TFAP2B: variants seen among roughly 807,000 people sequenced by gnomAD.
TFAP2B encodes the protein transcription factor AP-2-beta.
A neutral mutation model predicts 44.3 loss-of-function variants in TFAP2B; 9 were observed. That is an observed-to-expected ratio of 0.20 (90% CI 0.12 to 0.35). TFAP2B has a LOEUF of 0.35. TFAP2B is among the 10% of genes least tolerant of loss of function. The pLI is 1.00. For synonymous variants in TFAP2B, 270 were observed against 263.8 expected (o/e 1.02, Z -0.23); for missense variants, 509 against 600.0 (o/e 0.85, Z 1.59).
At chr6:50,840,030 C>T in intron 5 of TFAP2B, 126 bp from the exon 6 acceptor site, 1 of 1,280,306 alleles carries the variant, frequency 7.8e-7, no homozygotes, top group Non-Finnish European at 1.1e-6. Context: ...CATCTCTCAC[C>T]TTTGCTTTTG....
At position 50,846,396 on chromosome 6, in the gene TFAP2B, G is replaced by T. The variant is rs778714041; in HGVS notation, c.*3004G>T. 1 of 152,644 alleles carries T rather than the reference G, an allele frequency of 6.6e-6. No homozygotes were observed. The highest frequency in any genetic ancestry group is 1.5e-5 in the Non-Finnish European group (1 of 68,054). The allele number at this position is 152,644 out of a possible 1,614,324, so 9.5% of individuals were successfully genotyped here. On this transcript the variant is annotated 3_prime_UTR_variant, in exon 7 of 7. Transcript: ENST00000393655. ...ATTAACGCAATAGTTTGCCTTTTAA[G>T]TCAAGGGAGACGTTTAAGGCAAGCC... is the stretch of plus-strand genomic sequence containing the variant.
Position 50,847,194 on chromosome 6 carries a change from A to G in TFAP2B, c.*3802A>G, listed in dbSNP as rs1416200508. 6.6e-6 allele frequency: 1 copy of G among 152,622 alleles called. No homozygotes were observed. The highest frequency in any genetic ancestry group is 1.5e-5 in the Non-Finnish European group (1 of 68,040). The allele number at this position is 152,622 out of a possible 1,614,324, so 9.5% of individuals were successfully genotyped here. On this transcript the variant is annotated 3_prime_UTR_variant, in exon 7 of 7. Coordinates refer to ENST00000393655, the MANE Select transcript of TFAP2B (RefSeq NM_003221.4). ...TATGTGAAATTACTGGCTTAAAAAA[A>G]AAAGTATCAATTTTTTTTTAACGGA...
intron 4 of TFAP2B, 26 bp downstream of exon 4, chr6:50,836,306 C>T (rs779438698): frequency 3.8e-6 from 6 of 1,589,064 alleles, no homozygotes; most frequent in Non-Finnish European, 5.2e-6. Context: ...AAAACAAAAA[C>T]AAAAACAAAA....
chr6:50,840,259 T>G lies in TFAP2B; in HGVS notation c.1044T>G (p.Ser348Arg), dbSNP rs767225041. Residue 348 changes from serine (S) to arginine (R), a missense_variant, in exon 6 of 7, where the codon AGT becomes AGG. Transcript: ENST00000393655. ...EYLNRQHTDP[S>R]DLHSRKNMLL... The stretch of plus-strand genomic sequence containing the variant: ...TGAACCGGCAGCACACAGACCCGAG[T>G]GACCTGCACTCCCGAAAGAATATGC... The G allele has an allele frequency of 9.3e-6, 15 of 1,613,932 alleles. No individual in the cohort carries two copies. In the South Asian group the frequency reaches 1.4e-4, roughly 15 times the overall value.
At chr6:50,819,859 C>T (rs1341702035) in intron 1 of TFAP2B, among the ~76,000 whole-genome samples, 2 of 144,762 alleles carry the variant, frequency 1.4e-5, no homozygotes, top group African/African-American at 5.0e-5. Flanking sequence ...GTGGGAGAGG[C>T]GGGCGAGGTG....
chr6:50,840,311 A>G lies in TFAP2B; in HGVS notation c.1082+14A>G. 3 of 1,612,618 alleles carry G rather than the reference A, an allele frequency of 1.9e-6. No individual in the cohort carries two copies. The highest frequency in any genetic ancestry group is 2.5e-6 in the Non-Finnish European group (3 of 1,179,976). ...GTTGGCCACCAAGTGAGTTTATTAG[A>G]CTCTGGGCCCTCATCTCACTCCCAG... On this transcript the variant is annotated intron_variant, in intron 6 of 6. Coordinates refer to ENST00000393655, the MANE Select transcript of TFAP2B (RefSeq NM_003221.4).
chr6:50,832,939 C>A (rs1212689151), intron 3 of TFAP2B, among the ~76,000 whole-genome samples: 1 of 151,896 alleles, frequency 6.6e-6, no homozygotes, highest in Non-Finnish European at 1.5e-5. Flanking sequence ...CAGCATAATG[C>A]AGCAAAAAAG....
At chr6:50,822,294 G>C (rs1017285744) in intron 1 of TFAP2B, 4 of 717,786 alleles carry the variant, frequency 5.6e-6, no homozygotes, top group Non-Finnish European at 8.5e-6. Flanking sequence ...CCTTTGGCTT[G>C]GTAATTTAGC....
At chr6:50,825,214 T>A (rs920980284) in intron 2 of TFAP2B, among the ~76,000 whole-genome samples, 1 of 152,206 alleles carries the variant, frequency 6.6e-6, no homozygotes, top group Non-Finnish European at 1.5e-5. Flanking sequence ...GATGGTTTTG[T>A]TGATTTAACT....
Position 50,843,540 on chromosome 6 carries a change from CTAAA to C in TFAP2B, c.*152_*155del, listed in dbSNP as rs749006300. ...ACAATCAAAATTTTAAAAAAAAAAGCTAAATAACTTAAAAAAAAACTGAGGCGTA... is the reference window on the plus strand; with the variant it reads ...ACAATCAAAATTTTAAAAAAAAAAGCTAACTTAAAAAAAAACTGAGGCGTA... On this transcript the variant is annotated 3_prime_UTR_variant, in exon 7 of 7. Coordinates refer to ENST00000393655, the MANE Select transcript of TFAP2B (RefSeq NM_003221.4). 1.5e-4 allele frequency: 133 copies of C among 868,012 alleles called. No individual in the cohort carries two copies. Among genetic ancestry groups the C allele is most frequent in the Non-Finnish European group, 2.0e-4 (118 of 580,568 alleles). The allele number at this position is 868,012 out of a possible 1,614,324, so 53.8% of individuals were successfully genotyped here.
At position 50,823,684 on chromosome 6, in the gene TFAP2B, C is replaced by T. The variant is rs1410510107; in HGVS notation, c.359C>T (p.Ser120Phe). ...CAAGAAGTGGGTTCGGAAGCCGGCT[C>T]TCTCCTGCCCCAGCCTCGGGCCGCC... is the stretch of plus-strand genomic sequence containing the variant. ...QRQEVGSEAGSLLPQPRAALP... is the reference protein window; with the variant it reads ...QRQEVGSEAGFLLPQPRAALP... The change falls in exon 2 of 7, where the codon TCT (serine) becomes TTT (phenylalanine). Residue 120 changes from serine to phenylalanine, a missense_variant. By Grantham distance (155) the Ser-to-Phe change is radical. This residue lies in a region of TFAP2B where 296 missense variants were observed against 308.2 expected (regional missense o/e 0.96). Coordinates refer to ENST00000393655, the MANE Select transcript of TFAP2B (RefSeq NM_003221.4). 6.2e-7 allele frequency: 1 copy of T among 1,613,728 alleles called. No homozygotes were observed. The highest frequency in any genetic ancestry group is 8.5e-7 in the Non-Finnish European group (1 of 1,179,916).
intron 5 of TFAP2B, among the ~76,000 whole-genome samples, chr6:50,839,376 TG>T (rs1159337928): frequency 6.6e-6 from 1 of 152,218 alleles, no homozygotes; most frequent in Non-Finnish European, 1.5e-5. Context: ...AATGTAGCTA[TG>T]GGGTATTTCA....
intron 2 of TFAP2B, among the ~76,000 whole-genome samples, chr6:50,828,373 C>G (rs2113937481): frequency 6.6e-6 from 1 of 152,278 alleles, no homozygotes; most frequent in East Asian, 1.9e-4. Flanking sequence ...TATATAATAA[C>G]TAAACCAATG....
At position 50,843,614 on chromosome 6, in the gene TFAP2B, A is replaced by G; in HGVS notation, c.*222A>G. ...GTTCTCAGTGTCTATTTCAAGATACATTTGGAGACAACCGTCCGGATTTTC... is the reference window on the plus strand; with the variant it reads ...GTTCTCAGTGTCTATTTCAAGATACGTTTGGAGACAACCGTCCGGATTTTC... On this transcript the variant is annotated 3_prime_UTR_variant, in exon 7 of 7. Transcript: ENST00000393655. 7.4e-6 allele frequency: 4 copies of G among 541,320 alleles called. No homozygotes were observed. Among genetic ancestry groups the G allele is most frequent in the Non-Finnish European group, 1.3e-5 (4 of 316,118 alleles). 33.5% of individuals were successfully genotyped at this position (541,320 alleles called of 1,614,324 possible). A position where few individuals can be genotyped will look rare whatever the true frequency, so the allele number is the denominator to read the frequency against.
In TFAP2B at chr6:50,818,980, G is replaced by T; in HGVS notation, c.81+8G>T. On this transcript the variant is annotated splice_region_variant and intron_variant, in intron 1 of 6. Transcript: ENST00000393655. ...TACGAAGATATCTATGAGGTGAGTC[G>T]ACACCCCCAGATGCACCTTAGAGCT... 6.2e-7 allele frequency: 1 copy of T among 1,613,112 alleles called. No individual in the cohort carries two copies. The highest frequency in any genetic ancestry group is 8.5e-7 in the Non-Finnish European group (1 of 1,179,180).
chr6:50,836,474 C>T (rs747791700), intron 4 of TFAP2B, among the ~76,000 whole-genome samples, 194 bp downstream of exon 4: 12 of 152,230 alleles, frequency 7.9e-5, no homozygotes, highest in Non-Finnish European at 1.5e-4. Context: ...CACCTGCTCG[C>T]CCACAAACTC....
rs529269810 is a variant in TFAP2B, at chr6:50,826,977, T to C, written c.541-1642T>C. Among the ~76,000 whole-genome samples, 12 of 152,348 alleles carry C rather than the reference T, an allele frequency of 7.9e-5. No individual in the cohort carries two copies. The East Asian group carries it at 2.3e-3, about 29-fold the overall frequency. Reference sequence around the variant, plus strand: ...CTGTGACGATTAAGCGCCAGCATGCTGCGTGAATATCCTGTACAAAAACCC... The same window carrying C: ...CTGTGACGATTAAGCGCCAGCATGCCGCGTGAATATCCTGTACAAAAACCC... On this transcript the variant is annotated intron_variant, in intron 2 of 6. Coordinates refer to ENST00000393655, the MANE Select transcript of TFAP2B (RefSeq NM_003221.4).
rs767224969 is a variant in TFAP2B at position 50,823,412 on chromosome 6, G to A, written c.87G>A (p.Arg29=). The change falls in exon 2 of 7, where the codon CGG becomes CGA. Residue 29 remains arginine (R), a synonymous_variant. Transcript: ENST00000393655. The part of the protein sequence containing the change: ...NVKYEDIYED[R]HDGVPSHSSR... ...CTTCCTCTCTCCGCTCCCAGGACCG[G>A]CACGATGGTGTCCCGAGCCACAGCT... is the stretch of plus-strand genomic sequence containing the variant. 3.8e-6 allele frequency: 6 copies of A among 1,590,566 alleles called. No homozygotes were observed. Among genetic ancestry groups the A allele is most frequent in the Middle Eastern group, 3.4e-4 (2 of 5,800 alleles).
rs1302439131 is a variant in TFAP2B at position 50,836,243 on chromosome 6, T to G, written c.784T>G (p.Cys262Gly). The G allele has an allele frequency of 1.2e-6, 2 of 1,612,648 alleles. No homozygotes were observed. Among genetic ancestry groups the G allele is most frequent in the Non-Finnish European group, 1.7e-6 (2 of 1,179,994 alleles). ...EVQRRLSPPE[C>G]LNASLLGGVL... The stretch of plus-strand genomic sequence containing the variant: ...TCAGAGACGGCTGTCGCCCCCTGAA[T>G]GCCTCAATGCATCTCTCCTCGGCGG... The change falls in exon 4 of 7, where the codon TGC becomes GGC. Residue 262 changes from cysteine to glycine, a missense_variant. Physicochemically the swap from Cys to Gly is radical, Grantham distance 159. Around this residue, in one of 3 missense-constraint regions of TFAP2B, gnomAD observed 45 missense variants for 108.6 expected, o/e 0.41. Transcript: ENST00000393655.
Sources: gnomAD v4.1 joint callset for allele counts (sites outside exome capture counted in the v4.1 genomes callset) on GRCh38, gnomAD v4.1.1 for gene constraint, gnomAD v4.1.1 regional missense constraint, MANE v1.5 for transcripts, NCBI Gene and HGNC (gene_info 2026-07-23, HGNC 2026-07-21) for gene names.